CACNA1H: variants seen among roughly 807,000 people sequenced by gnomAD.
CACNA1H encodes voltage-dependent T-type calcium channel subunit alpha-1H.
A neutral mutation model predicts 192.5 loss-of-function variants in CACNA1H; 149 were observed. The ratio of observed to expected loss-of-function variants is 0.77; its 90% CI spans 0.68 to 0.89. The LOEUF (loss-of-function observed/expected upper bound fraction) is 0.89, where lower values mean the gene tolerates loss of function less well. Ranked by LOEUF, CACNA1H falls within the 40% of genes least tolerant of loss-of-function variation. The pLI is 0.00. For missense variants in CACNA1H, 4,257 were observed against 3,423.5 expected (o/e 1.24, Z -6.08); for synonymous variants, 2,202 against 1,475.2 (o/e 1.49, Z -11.29).
At chr16:1,205,403 T>G in intron 11 of CACNA1H, 138 bp downstream of exon 11, 1 of 980,956 alleles carries the variant, frequency 1.0e-6, no homozygotes, top group Non-Finnish European at 1.5e-6. Context: ...GGGAAGCAGG[T>G]GCTTGGTGAC....
intron 5 of CACNA1H, among the ~76,000 whole-genome samples, chr16:1,197,255 A>C (rs72775438): frequency 0.021 from 3,196 of 152,250 alleles, 39 homozygotes; most frequent in African/African-American, 0.028. Context: ...TACAGGAGTA[A>C]CCATGACCCC....
In CACNA1H at chr16:1,212,705, C is replaced by T. The variant is rs1038597509; in HGVS notation, c.4777+177C>T. Among the ~76,000 whole-genome samples the T allele has an allele frequency of 9.2e-5, 14 of 152,286 alleles. No homozygotes were observed. The South Asian group carries it at 2.7e-3, about 29-fold the overall frequency. ...CCGCCAGTGTCCGGGCTGCTGTGTG[C>T]GTGCACGCGTGCGGCTCTGCCCGGC... On this transcript the variant is annotated intron_variant, in intron 26 of 34. Transcript: ENST00000348261.
In CACNA1H at chr16:1,167,903, G is replaced by A. The variant is rs145554566; in HGVS notation, c.299+13867G>A. On this transcript the variant is annotated intron_variant, in intron 2 of 34. Transcript: ENST00000348261. This position sits in a 1 kb window ranked among gnomAD's most constrained non-coding sequence, Gnocchi z 4.2. ...GGCAGCAGGTGCTCAGTAAGCACTC[G>A]CCCCACCAGTGCGTGGAGCACGTGG... Among the ~76,000 whole-genome samples the A allele has an allele frequency of 3.4e-4, 52 of 152,326 alleles. No homozygotes were observed. The highest frequency in any genetic ancestry group is 9.6e-4 in the African/African-American group (40 of 41,584).
intron 2 of CACNA1H, among the ~76,000 whole-genome samples, chr16:1,161,955 A>G (rs552236422): frequency 1.2e-4 from 18 of 152,250 alleles, no homozygotes; most frequent in African/African-American, 4.1e-4. Flanking sequence ...CAGAGCCATC[A>G]CGGTGGGTCA....
intron 2 of CACNA1H, among the ~76,000 whole-genome samples, chr16:1,160,449 C>T (rs1264671729): frequency 1.3e-5 from 2 of 152,058 alleles, no homozygotes; most frequent in South Asian, 2.1e-4. Context: ...GGGCGGGGCT[C>T]GGGGAAGGAG....
In CACNA1H at chr16:1,213,828, C is replaced by G; in HGVS notation, c.4826C>G (p.Ser1609Cys). The stretch of plus-strand genomic sequence containing the variant: ...GCCGACTACTCGCCCACGCGCCGCT[C>G]CATTCACTCGCTGTGCACCAGCCAC... ...YYADYSPTRR[S>C]IHSLCTSHYL... The change falls in exon 27 of 35, where the codon TCC becomes TGC. Residue 1609 changes from serine to cysteine, a missense_variant. Transcript: ENST00000348261. 6.9e-6 allele frequency: 11 copies of G among 1,594,854 alleles called. No individual in the cohort carries two copies. Among genetic ancestry groups the G allele is most frequent in the Non-Finnish European group, 9.4e-6 (11 of 1,171,928 alleles).
rs1000070992 is a variant in CACNA1H, at chr16:1,188,345, G to C, written c.300-6627G>C. Among the ~76,000 whole-genome samples the C allele has an allele frequency of 5.0e-4, 76 of 152,180 alleles. 1 individual carries two copies. The highest frequency in any genetic ancestry group is 1.2e-4 in the Non-Finnish European group (8 of 68,012). ...TCTGAGGAACCCCTGTCCCTACCCA[G>C]GACCCTGGAGACCGCTGGCTCTGGG... On this transcript the variant is annotated intron_variant, in intron 2 of 34. Transcript: ENST00000348261.
In CACNA1H at chr16:1,209,355, C is replaced by T. The variant is rs778289535; in HGVS notation, c.3687C>T (p.Phe1229=). The T allele has an allele frequency of 4.4e-6, 7 of 1,597,908 alleles. No homozygotes were observed. The highest frequency in any genetic ancestry group is 5.1e-6 in the Non-Finnish European group (6 of 1,179,578). The change falls in exon 17 of 35, where the codon TTC becomes TTT. Residue 1229 remains phenylalanine (F), a synonymous_variant. Coordinates refer to ENST00000348261, the MANE Select transcript of CACNA1H (RefSeq NM_021098.3). ...GQVVALPSDF[F]LRIDSHREDA... ...TGGTGGCCCTGCCCAGCGACTTCTT[C>T]CTGCGCATCGACAGCCACCGTGAGG...
In CACNA1H at chr16:1,167,005, C is replaced by T. The variant is rs1963855286; in HGVS notation, c.299+12969C>T. ...TCGGAGGAATGGCCAGGCTGTTTTC[C>T]AAAGCGGTGCCCACCTGTTGACCCA... On this transcript the variant is annotated intron_variant, in intron 2 of 34. Coordinates refer to ENST00000348261, the MANE Select transcript of CACNA1H (RefSeq NM_021098.3). This position sits in a 1 kb window ranked among gnomAD's most constrained non-coding sequence, Gnocchi z 4.2. Among the ~76,000 whole-genome samples the T allele has an allele frequency of 6.6e-6, 1 of 152,190 alleles. No individual in the cohort carries two copies. The highest frequency in any genetic ancestry group is 2.4e-5 in the African/African-American group (1 of 41,456).
Position 1,167,867 on chromosome 16 carries a change from G to C in CACNA1H, c.299+13831G>C, listed in dbSNP as rs750781650. On this transcript the variant is annotated intron_variant, in intron 2 of 34. Coordinates refer to ENST00000348261, the MANE Select transcript of CACNA1H (RefSeq NM_021098.3). This position sits in a 1 kb window ranked among gnomAD's most constrained non-coding sequence, Gnocchi z 4.2. ...GCCTGGCCGTCCGTCCGCGGGGCCC[G>C]GGCTGCCCATGGCAGCAGGTGCTCA... Among the ~76,000 whole-genome samples, 1 of 152,140 alleles carries C rather than the reference G, an allele frequency of 6.6e-6. No individual in the cohort carries two copies. Among genetic ancestry groups the C allele is most frequent in the Non-Finnish European group, 1.5e-5 (1 of 68,014 alleles).
chr16:1,189,576 TTTTGTTAAATA>T (rs1182103521), intron 2 of CACNA1H, among the ~76,000 whole-genome samples: 4 of 152,054 alleles, frequency 2.6e-5, no homozygotes, highest in East Asian at 1.9e-4. Flanking sequence ...AATTTAATTT[TTTTGTTAAATA>T]TTTGTTAAAT....
In CACNA1H at chr16:1,207,329, T is replaced by A; in HGVS notation, c.2962T>A (p.Ser988Thr). Residue 988 changes from serine to threonine, a missense_variant, in exon 14 of 35, where the codon TCC becomes ACC. Ser to Thr is a moderately conservative substitution (Grantham distance 58). Coordinates refer to ENST00000348261, the MANE Select transcript of CACNA1H (RefSeq NM_021098.3). ...CCTGTACAACGGCATGGCCTCCACC[T>A]CCTCCTGGGCCGCCCTCTACTTCGT... ...VVLYNGMAST[S>T]SWAALYFVAL... 1 of 1,611,344 alleles carries A rather than the reference T, an allele frequency of 6.2e-7. No individual in the cohort carries two copies. Among genetic ancestry groups the A allele is most frequent in the Middle Eastern group, 1.7e-4 (1 of 6,058 alleles).
chr16:1,181,145 G>A (rs1025660807), intron 2 of CACNA1H, among the ~76,000 whole-genome samples: 9 of 152,236 alleles, frequency 5.9e-5, no homozygotes, highest in East Asian at 1.9e-4. Context: ...GCAGGCGGCC[G>A]TCTTCCCCAA....
chr16:1,162,889 A>T (rs7186219), intron 2 of CACNA1H, among the ~76,000 whole-genome samples: 32,716 of 152,134 alleles, frequency 0.22, 7,492 homozygotes, highest in African/African-American at 0.58. Flanking sequence ...GGGCGAGCAG[A>T]GGTCAGTGGC....
chr16:1,215,410 G>A (rs141255443), intron 29 of CACNA1H, 35 bp downstream of exon 29: 15 of 1,594,678 alleles, frequency 9.4e-6, no homozygotes, highest in East Asian at 4.5e-5. Flanking sequence ...TTCTCTCTGC[G>A]GGTGGAGGGT....
rs546397615 is a variant in CACNA1H, at chr16:1,194,963, C to G, written c.300-9C>G. 6.2e-7 allele frequency: 1 copy of G among 1,602,776 alleles called. No homozygotes were observed. On this transcript the variant is annotated splice_polypyrimidine_tract_variant and intron_variant, in intron 2 of 34. Coordinates refer to ENST00000348261, the MANE Select transcript of CACNA1H (RefSeq NM_021098.3). Reference sequence around the variant, plus strand: ...CCGCGCCGGTGTGCTCCTTAACCCGCGGCGACACATGGTTCGAGCACGTGA... The same window carrying G: ...CCGCGCCGGTGTGCTCCTTAACCCGGGGCGACACATGGTTCGAGCACGTGA...
chr16:1,154,396 C>T (rs1004407560), intron 2 of CACNA1H, among the ~76,000 whole-genome samples: 13 of 152,126 alleles, frequency 8.5e-5, no homozygotes, highest in African/African-American at 2.9e-4. Context: ...GGAATTTCCC[C>T]CTTGCCCACC....
rs774275209 is a variant in CACNA1H, at chr16:1,208,015, C to G, written c.3157C>G (p.Leu1053Val). The change falls in exon 16 of 35, where the codon CTG (leucine) becomes GTG (valine). Residue 1053 changes from leucine to valine, a missense_variant and splice_region_variant. By Grantham distance (32) the Leu-to-Val change is conservative. Coordinates refer to ENST00000348261, the MANE Select transcript of CACNA1H (RefSeq NM_021098.3). ...HKLRELQTTE[L>V]KMCSLAVTPN... is the part of the protein sequence containing the mutation. ...CCATTCCTCCCTCTGTCCCGCAGAG[C>G]TGAAGATGTGTTCCCTGGCCGTGAC... The G allele has an allele frequency of 1.2e-6, 2 of 1,602,826 alleles. No homozygotes were observed. Among genetic ancestry groups the G allele is most frequent in the Admixed American group, 3.4e-5 (2 of 58,746 alleles).
At chr16:1,154,483 C>A (rs1232232981) in intron 2 of CACNA1H, among the ~76,000 whole-genome samples, 1 of 152,096 alleles carries the variant, frequency 6.6e-6, no homozygotes, top group Non-Finnish European at 1.5e-5. Context: ...GAGTCAGGGG[C>A]GCAAAGTTTT....
Sources: allele counts gnomAD v4.1 joint callset (sites outside exome capture counted in the v4.1 genomes callset), GRCh38; gene constraint gnomAD v4.1.1; non-coding constraint Gnocchi (gnomAD v3.1); transcripts MANE v1.5; gene names NCBI Gene and HGNC (gene_info 2026-07-23, HGNC 2026-07-21).